KCNB2: variants seen among roughly 807,000 people sequenced by gnomAD.
The protein encoded by KCNB2 is potassium voltage-gated channel subfamily B member 2, also known as delayed rectifier potassium channel protein.
Under a neutral mutation model 61.5 loss-of-function variants are expected in KCNB2, and 15 were observed. The observed-to-expected ratio is 0.24, with a 90% CI of 0.16 to 0.38. The LOEUF is 0.38. Ranked by LOEUF, KCNB2 falls within the 10% of genes least tolerant of loss-of-function variation. The probability of loss-of-function intolerance (pLI) is 1.00; values close to 1 mark genes in which losing one functional copy is unlikely to be tolerated. For synonymous variants in KCNB2, 457 were observed against 446.0 expected (o/e 1.02, Z -0.31); for missense variants, 828 against 1,125.2 (o/e 0.74, Z 3.78).
At chr8:72,783,637 A>G (rs1291216768) in intron 2 of KCNB2, among the ~76,000 whole-genome samples, 1 of 152,066 alleles carries the variant, frequency 6.6e-6, no homozygotes, top group Non-Finnish European at 1.5e-5. Flanking sequence ...TGTCTTCTTC[A>G]CAGAATCCAT....
At chr8:72,590,496 G>A (rs905224606) in intron 2 of KCNB2, among the ~76,000 whole-genome samples, 1 of 152,022 alleles carries the variant, frequency 6.6e-6, no homozygotes, top group Non-Finnish European at 1.5e-5. Flanking sequence ...TATGACATAC[G>A]TGCCACATGG....
At chr8:72,595,126 C>G (rs1426851299) in intron 2 of KCNB2, among the ~76,000 whole-genome samples, 1 of 151,950 alleles carries the variant, frequency 6.6e-6, no homozygotes, top group East Asian at 1.9e-4. Flanking sequence ...CCATTAGCAA[C>G]AAGTCCTAAC....
At chr8:72,651,766 A>G (rs1462325702) in intron 2 of KCNB2, among the ~76,000 whole-genome samples, 1 of 152,148 alleles carries the variant, frequency 6.6e-6, no homozygotes, top group Non-Finnish European at 1.5e-5. Flanking sequence ...AATTTATTGT[A>G]TCATTTCATG....
At chr8:72,841,078 G>C (rs569401849) in intron 2 of KCNB2, among the ~76,000 whole-genome samples, 3 of 152,220 alleles carry the variant, frequency 2.0e-5, no homozygotes, top group African/African-American at 7.2e-5. Flanking sequence ...GTTAATTTTT[G>C]TATAAGGTGT....
chr8:72,811,447 T>C (rs1809304501), intron 2 of KCNB2, among the ~76,000 whole-genome samples: 1 of 152,160 alleles, frequency 6.6e-6, no homozygotes, highest in South Asian at 2.1e-4. Context: ...TGGCTTAAGG[T>C]TGTTACTTCC....
chr8:72,752,723 C>G (rs527804819), intron 2 of KCNB2, among the ~76,000 whole-genome samples: 1 of 152,172 alleles, frequency 6.6e-6, no homozygotes, highest in South Asian at 2.1e-4. Flanking sequence ...ATGCATATAT[C>G]GATATAGATA....
chr8:72,671,406 A>G (rs1261116365), intron 2 of KCNB2, among the ~76,000 whole-genome samples: 1 of 152,228 alleles, frequency 6.6e-6, no homozygotes, highest in Non-Finnish European at 1.5e-5. Flanking sequence ...TCATTCATCC[A>G]GCATTTATTG....
At chr8:72,899,454 A>C (rs1472009354) in intron 2 of KCNB2, among the ~76,000 whole-genome samples, 3 of 152,174 alleles carry the variant, frequency 2.0e-5, no homozygotes, top group East Asian at 1.9e-4. Flanking sequence ...CCTTCACTGA[A>C]AATATGATTT....
At chr8:72,601,235 T>C (rs1443411931) in intron 2 of KCNB2, among the ~76,000 whole-genome samples, 2 of 152,212 alleles carry the variant, frequency 1.3e-5, no homozygotes. Context: ...GTTTATAACA[T>C]CGGCCTTATA....
intron 2 of KCNB2, among the ~76,000 whole-genome samples, chr8:72,573,169 A>G (rs1461640015): frequency 7.6e-6 from 1 of 131,014 alleles, no homozygotes; most frequent in Non-Finnish European, 1.5e-5. Context: ...AATAGTAAAA[A>G]TAAAATAAAA....
At chr8:72,652,186 T>A (rs567847147) in intron 2 of KCNB2, among the ~76,000 whole-genome samples, 1 of 152,154 alleles carries the variant, frequency 6.6e-6, no homozygotes, top group African/African-American at 2.4e-5. Flanking sequence ...TGCTAGAATA[T>A]TGGTATAATA....
intron 2 of KCNB2, among the ~76,000 whole-genome samples, chr8:72,926,754 C>G (rs1396101061): frequency 6.6e-6 from 1 of 152,124 alleles, no homozygotes; most frequent in East Asian, 1.9e-4. Context: ...CAAGCAGGGT[C>G]GAGATTCTAC....
At chr8:72,690,311 T>A (rs1339062033) in intron 2 of KCNB2, among the ~76,000 whole-genome samples, 1 of 152,190 alleles carries the variant, frequency 6.6e-6, no homozygotes, top group Non-Finnish European at 1.5e-5. Context: ...AATTATTGTT[T>A]CCCAATAAGC....
intron 2 of KCNB2, among the ~76,000 whole-genome samples, chr8:72,744,863 G>A (rs1236637513): frequency 6.6e-6 from 1 of 152,194 alleles, no homozygotes; most frequent in African/African-American, 2.4e-5. Context: ...GCCAGATCCT[G>A]AGGGCCCACA....
intron 2 of KCNB2, among the ~76,000 whole-genome samples, chr8:72,625,077 A>G (rs1805769369): frequency 6.6e-6 from 1 of 152,198 alleles, no homozygotes; most frequent in South Asian, 2.1e-4. Context: ...ACACCTTTAT[A>G]GCAGCCTGGT....
At chr8:72,800,142 C>T (rs1204967527) in intron 2 of KCNB2, among the ~76,000 whole-genome samples, 1 of 152,092 alleles carries the variant, frequency 6.6e-6, no homozygotes, top group Non-Finnish European at 1.5e-5. Context: ...AGGCATTTAT[C>T]TAGGGTCCCA....
intron 2 of KCNB2, among the ~76,000 whole-genome samples, chr8:72,706,819 CA>C (rs888820115): frequency 1.3e-5 from 2 of 152,184 alleles, no homozygotes; most frequent in Non-Finnish European, 2.9e-5. Flanking sequence ...ACATACTTCT[CA>C]AAAACATATT....
intron 2 of KCNB2, among the ~76,000 whole-genome samples, chr8:72,580,965 T>C (rs540441793): frequency 6.6e-6 from 1 of 152,154 alleles, no homozygotes. Flanking sequence ...CCAAACTCCT[T>C]AGCATTGCAT....
At chr8:72,580,247 C>G (rs1028695340) in intron 2 of KCNB2, among the ~76,000 whole-genome samples, 4 of 152,110 alleles carry the variant, frequency 2.6e-5, no homozygotes, top group African/African-American at 9.7e-5. Flanking sequence ...CCATAGTTTG[C>G]CAACCACTAC....
Sources: allele counts gnomAD v4.1 joint callset (sites outside exome capture counted in the v4.1 genomes callset), GRCh38; gene constraint gnomAD v4.1.1; transcripts MANE v1.5; gene names NCBI Gene and HGNC (gene_info 2026-07-23, HGNC 2026-07-21).